ZNF704: variants seen among roughly 807,000 people sequenced by gnomAD.
ZNF704 encodes the protein zinc finger protein 704.
ZNF704 carries 10 observed loss-of-function variants against 44.7 expected under a neutral mutation model. The observed-to-expected ratio is 0.22, with a 90% CI of 0.14 to 0.38. The LOEUF is 0.38. Among genes scored for constraint, ZNF704 ranks in the 10% least tolerant of loss-of-function variants. The pLI is 1.00. For missense variants in ZNF704, 390 were observed against 545.5 expected, an observed-to-expected ratio of 0.71 and a Z score of 2.84; for synonymous variants, 211 against 207.6, an observed-to-expected ratio of 1.02 and a Z score of -0.14.
chr8:80,691,494 G>C lies in ZNF704; in HGVS notation c.325+1510C>G, dbSNP rs377448107. On this transcript the variant is annotated intron_variant, in intron 3 of 8. Coordinates refer to ENST00000327835, the MANE Select transcript of ZNF704 (RefSeq NM_001033723.3). ...GGTTTCCATGAAACCACACTCTCCT[G>C]GTCTTCCTCTACCTCTCTGGTCACC... Among the ~76,000 whole-genome samples the C allele has an allele frequency of 2.0e-4, 30 of 152,194 alleles. 1 individual carries two copies. Among genetic ancestry groups the C allele is most frequent in the Middle Eastern group, 3.4e-3 (1 of 294 alleles).
chr8:80,711,569 T>A (rs1416958100), intron 2 of ZNF704, among the ~76,000 whole-genome samples: 1 of 152,208 alleles, frequency 6.6e-6, no homozygotes, highest in Non-Finnish European at 1.5e-5. Context: ...AGGGAGTACC[T>A]GTGGAGTTCA....
chr8:80,881,893 AGTCCAG>A, the ZNF704 span, among the ~76,000 whole-genome samples: 21 of 152,360 alleles, frequency 1.4e-4, no homozygotes, highest in Middle Eastern at 6.8e-3. Context: ...GCGCCAGTGC[AGTCCAG>A]CCTGGGCAAC....
At chr8:80,679,855 G>C (rs1156774307) in intron 4 of ZNF704, among the ~76,000 whole-genome samples, 11 of 152,208 alleles carry the variant, frequency 7.2e-5, no homozygotes, top group Non-Finnish European at 1.5e-5. Flanking sequence ...ATGCATAGCA[G>C]CTTCCAGACA....
At chr8:80,676,300 C>G (rs1346703496) in intron 4 of ZNF704, among the ~76,000 whole-genome samples, 1 of 152,130 alleles carries the variant, frequency 6.6e-6, no homozygotes, top group Non-Finnish European at 1.5e-5. Flanking sequence ...TACTAAGGTG[C>G]GTTTCTATGC....
intron 2 of ZNF704, among the ~76,000 whole-genome samples, chr8:80,744,564 G>A (rs1037336157): frequency 5.9e-5 from 9 of 152,140 alleles, no homozygotes; most frequent in South Asian, 2.1e-4. Flanking sequence ...TCAAAAAATC[G>A]TGTCATCCCT....
intron 3 of ZNF704, 46 bp from the exon 4 acceptor site, chr8:80,687,504 G>A (rs1334434347): frequency 3.3e-5 from 47 of 1,405,324 alleles, no homozygotes; most frequent in Middle Eastern, 4.7e-4. Context: ...CTGCGTGCCC[G>A]GGCATGGTTC....
intron 2 of ZNF704, among the ~76,000 whole-genome samples, chr8:80,770,866 A>G (rs1176827614): frequency 6.6e-6 from 1 of 152,112 alleles, no homozygotes; most frequent in East Asian, 1.9e-4. Context: ...AAGTTAATTT[A>G]TGTATAAGGT....
chr8:80,783,570 T>A (rs914526649), intron 2 of ZNF704, among the ~76,000 whole-genome samples: 3 of 152,182 alleles, frequency 2.0e-5, no homozygotes, highest in African/African-American at 7.2e-5. Flanking sequence ...GATTTCTTAT[T>A]GGCATTTTTG....
chr8:80,796,528 G>T (rs146181629), intron 2 of ZNF704, among the ~76,000 whole-genome samples: 13 of 152,248 alleles, frequency 8.5e-5, no homozygotes, highest in African/African-American at 7.2e-5. Flanking sequence ...TGCCCTCCCC[G>T]CAAATAAACT....
Position 80,797,004 on chromosome 8 carries a change from C to G in ZNF704, c.221+24370G>C, listed in dbSNP as rs553388126. Among the ~76,000 whole-genome samples, 755 of 144,688 alleles carry G rather than the reference C, an allele frequency of 5.2e-3. 6 individuals are homozygous for G. Among genetic ancestry groups the G allele is most frequent in the African/African-American group, 0.019 (720 of 37,526 alleles). The allele number at this position is 144,688 out of a possible 152,430, so 94.9% of individuals were successfully genotyped here. ...GGGAGGGAGGGAGGAAGGAAGGAAG[C>G]AAGCAAGCAAGCAAAGGAGGGAATA... On this transcript the variant is annotated intron_variant, in intron 2 of 8. Coordinates refer to ENST00000327835, the MANE Select transcript of ZNF704 (RefSeq NM_001033723.3).
At chr8:80,789,272 C>CACAGCATA (rs1158785363) in intron 2 of ZNF704, among the ~76,000 whole-genome samples, 2 of 152,104 alleles carry the variant, frequency 1.3e-5, no homozygotes, top group African/African-American at 4.8e-5. Flanking sequence ...CTGACAGTGT[C>CACAGCATA]ACAGCATAAT....
chr8:80,720,038 G>T (rs1819139622), intron 2 of ZNF704, among the ~76,000 whole-genome samples: 1 of 152,204 alleles, frequency 6.6e-6, no homozygotes, highest in Non-Finnish European at 1.5e-5. Context: ...AGGTCACACA[G>T]CTATTAAATG....
At chr8:80,655,226 T>G (rs902442892) in intron 7 of ZNF704, among the ~76,000 whole-genome samples, 1 of 151,846 alleles carries the variant, frequency 6.6e-6, no homozygotes, top group African/African-American at 2.4e-5. Flanking sequence ...AGGAGACATA[T>G]CTAATGTTAA....
chr8:80,748,560 C>T (rs544624794), intron 2 of ZNF704, among the ~76,000 whole-genome samples: 6 of 152,278 alleles, frequency 3.9e-5, no homozygotes, highest in South Asian at 2.1e-4. Flanking sequence ...TTAGCAACGT[C>T]GTTCTTTTTT....
intron 2 of ZNF704, among the ~76,000 whole-genome samples, chr8:80,768,449 C>A (rs1274033342): frequency 6.6e-6 from 1 of 152,054 alleles, no homozygotes; most frequent in East Asian, 1.9e-4. Flanking sequence ...TCCACATGAA[C>A]ACAAAAAGGT....
intron 4 of ZNF704, among the ~76,000 whole-genome samples, chr8:80,684,660 A>C (rs1818505214): frequency 6.6e-6 from 1 of 152,216 alleles, no homozygotes; most frequent in African/African-American, 2.4e-5. Context: ...AATCTCTAAA[A>C]TAACTGTATT....
Position 80,637,639 on chromosome 8 carries a change from A to G in ZNF704, c.*3727T>C, listed in dbSNP as rs1322549842. 1 of 152,260 alleles carries G rather than the reference A, an allele frequency of 6.6e-6. No individual in the cohort carries two copies. Among genetic ancestry groups the G allele is most frequent in the Non-Finnish European group, 1.5e-5 (1 of 68,046 alleles). 9.4% of individuals were successfully genotyped at this position (152,260 alleles called of 1,614,324 possible). On this transcript the variant is annotated 3_prime_UTR_variant, in exon 9 of 9. Transcript: ENST00000327835. ...TCTTTGAAAAGTTTTTAGAAAGGTC[A>G]AGAATTGTGTCATTCTCTATTGAAA...
chr8:80,652,569 A>G (rs1166928255), intron 7 of ZNF704, among the ~76,000 whole-genome samples: 1 of 152,254 alleles, frequency 6.6e-6, no homozygotes, highest in Non-Finnish European at 1.5e-5. Context: ...AAAATCTAGA[A>G]GAAATGGATA....
intron 2 of ZNF704, among the ~76,000 whole-genome samples, chr8:80,789,640 G>C (rs1807671211): frequency 6.6e-6 from 1 of 152,048 alleles, no homozygotes. Context: ...TACTCAGAAG[G>C]CTTAAGTGGG....
Sources: allele counts gnomAD v4.1 joint callset (sites outside exome capture counted in the v4.1 genomes callset), GRCh38; gene constraint gnomAD v4.1.1; transcripts MANE v1.5; gene names NCBI Gene and HGNC (gene_info 2026-07-23, HGNC 2026-07-21).